MSRA: variants seen among roughly 807,000 people sequenced by gnomAD.
MSRA encodes methionine sulfoxide reductase A, also known as mitochondrial peptide methionine sulfoxide reductase.
Under a neutral mutation model 31.3 loss-of-function variants are expected in MSRA, and 54 were observed. The ratio of observed to expected loss-of-function variants is 1.73; its 90% CI spans 1.39 to 2.17. The LOEUF is 2.17. MSRA is among the 30% of genes most tolerant of loss of function. The probability of loss-of-function intolerance (pLI) is 0.00; values close to 1 mark genes in which losing one functional copy is unlikely to be tolerated. For synonymous variants in MSRA, 169 were observed against 116.5 expected (o/e 1.45, Z -2.90); for missense variants, 507 against 300.9 (o/e 1.69, Z -5.07).
intron 1 of MSRA, among the ~76,000 whole-genome samples, chr8:10,112,364 G>C (rs1266452121): frequency 6.6e-6 from 1 of 152,198 alleles, no homozygotes; most frequent in Admixed American, 6.5e-5. Context: ...TGGTAAATGA[G>C]ATATAGAAGG....
intron 1 of MSRA, among the ~76,000 whole-genome samples, chr8:10,168,739 C>G (rs933084284): frequency 6.6e-6 from 1 of 152,216 alleles, no homozygotes; most frequent in East Asian, 1.9e-4. Context: ...GATTTGAGCT[C>G]TCACAGCCCA....
chr8:10,371,983 A>T lies in MSRA; in HGVS notation c.543+51994A>T, dbSNP rs555591075. Among the ~76,000 whole-genome samples the T allele has an allele frequency of 1.2e-4, 19 of 152,032 alleles. No individual in the cohort carries two copies. The South Asian group carries it at 2.5e-3, about 20-fold the overall frequency. On this transcript the variant is annotated intron_variant, in intron 5 of 5. Transcript: ENST00000317173. The stretch of plus-strand genomic sequence containing the variant: ...GAGAAGTCTTATCATCCTACACATG[A>T]GATTGAATGATAGATCAAAGAGCCC...
chr8:10,133,380 T>G (rs963292164), intron 1 of MSRA, among the ~76,000 whole-genome samples: 3 of 152,106 alleles, frequency 2.0e-5, no homozygotes, highest in Non-Finnish European at 4.4e-5. Flanking sequence ...GTCAGGAAGG[T>G]TGTTGGTTCA....
intron 1 of MSRA, among the ~76,000 whole-genome samples, chr8:10,185,615 A>C (rs901109169): frequency 6.6e-6 from 1 of 152,158 alleles, no homozygotes; most frequent in Non-Finnish European, 1.5e-5. Context: ...AACCAAAGAG[A>C]GAGCAATGGA....
At chr8:10,362,015 G>T (rs778933602) in intron 5 of MSRA, among the ~76,000 whole-genome samples, 4 of 151,562 alleles carry the variant, frequency 2.6e-5, no homozygotes, top group Non-Finnish European at 2.9e-5. Context: ...TTTTGTTTTC[G>T]TCTTTTGGCC....
intron 5 of MSRA, among the ~76,000 whole-genome samples, chr8:10,343,287 A>C (rs1803559036): frequency 6.6e-6 from 1 of 152,196 alleles, no homozygotes; most frequent in South Asian, 2.1e-4. Flanking sequence ...CAACAGACTG[A>C]AGGCAGAGCT....
chr8:10,173,928 C>T (rs1344919942), intron 1 of MSRA, among the ~76,000 whole-genome samples: 1 of 152,196 alleles, frequency 6.6e-6, no homozygotes, highest in African/African-American at 2.4e-5. Context: ...TCCCAGCGTG[C>T]TGTGGGTTTG....
intron 2 of MSRA, among the ~76,000 whole-genome samples, chr8:10,212,000 G>C (rs1377241484): frequency 2.0e-5 from 3 of 152,028 alleles, no homozygotes; most frequent in Admixed American, 6.6e-5. Context: ...AATTTGTGAA[G>C]ATTCTTGGTA....
chr8:10,406,449 A>AGGAAAGT (rs1480081675), intron 5 of MSRA, among the ~76,000 whole-genome samples: 1 of 152,234 alleles, frequency 6.6e-6, no homozygotes. Flanking sequence ...AAGGTCATGC[A>AGGAAAGT]GGAAAGTGGG....
At chr8:10,365,565 T>C (rs1021255647) in intron 5 of MSRA, among the ~76,000 whole-genome samples, 1 of 152,244 alleles carries the variant, frequency 6.6e-6, no homozygotes, top group Non-Finnish European at 1.5e-5. Flanking sequence ...TTTTTCAGCA[T>C]TTTTACCTGA....
intron 1 of MSRA, among the ~76,000 whole-genome samples, chr8:10,071,574 C>A (rs531771730): frequency 6.6e-6 from 1 of 150,450 alleles, no homozygotes; most frequent in Non-Finnish European, 1.5e-5. Flanking sequence ...TCTAAGAACT[C>A]TTTGCCTTGC....
At chr8:10,290,574 C>T (rs1160684266) in intron 3 of MSRA, among the ~76,000 whole-genome samples, 1 of 152,184 alleles carries the variant, frequency 6.6e-6, no homozygotes, top group Admixed American at 6.5e-5. Flanking sequence ...TATGCCAGGC[C>T]TGCCCCCAGC....
chr8:10,058,235 C>A (rs1344817762), intron 1 of MSRA, among the ~76,000 whole-genome samples: 4 of 151,620 alleles, frequency 2.6e-5, no homozygotes, highest in African/African-American at 9.7e-5. Flanking sequence ...TGTATTAATC[C>A]AAAAGGTGGC....
chr8:10,255,473 T>C (rs1325703441), intron 3 of MSRA, among the ~76,000 whole-genome samples: 2 of 152,170 alleles, frequency 1.3e-5, no homozygotes, highest in African/African-American at 4.8e-5. Context: ...GAATTTAATG[T>C]AAAGCTGTCC....
At chr8:10,332,632 T>A (rs1209607194) in intron 5 of MSRA, among the ~76,000 whole-genome samples, 2 of 152,242 alleles carry the variant, frequency 1.3e-5, no homozygotes, top group Non-Finnish European at 2.9e-5. Flanking sequence ...TGCAGCCACG[T>A]AGACAGCTAG....
At chr8:10,207,807 T>C (rs776410172) in intron 1 of MSRA, 26 bp from the exon 2 acceptor site, 1 of 1,591,086 alleles carries the variant, frequency 6.3e-7, no homozygotes, top group South Asian at 1.1e-5. Flanking sequence ...ACACTTAAAC[T>C]TGCATTTCTT....
chr8:10,312,530 TAG>T (rs1414159972), intron 4 of MSRA, among the ~76,000 whole-genome samples: 4 of 152,150 alleles, frequency 2.6e-5, no homozygotes, highest in Admixed American at 2.0e-4. Context: ...TTCAAGAGAT[TAG>T]AGAGAGATGC....
chr8:10,112,861 G>T (rs1404354105), intron 1 of MSRA, among the ~76,000 whole-genome samples: 1 of 152,140 alleles, frequency 6.6e-6, no homozygotes, highest in African/African-American at 2.4e-5. Flanking sequence ...TGTCTGAAGA[G>T]CTCTCACCCT....
At chr8:10,126,228 A>T (rs1167676703) in intron 1 of MSRA, among the ~76,000 whole-genome samples, 1 of 152,258 alleles carries the variant, frequency 6.6e-6, no homozygotes, top group East Asian at 1.9e-4. Context: ...ACGTGAAAGA[A>T]GATGATGGGC....
Sources: gnomAD v4.1 joint callset for allele counts (sites outside exome capture counted in the v4.1 genomes callset) on GRCh38, gnomAD v4.1.1 for gene constraint, MANE v1.5 for transcripts, NCBI Gene and HGNC (gene_info 2026-07-23, HGNC 2026-07-21) for gene names.